CEP43: variants seen among roughly 807,000 people sequenced by gnomAD.
CEP43 encodes the protein centrosomal protein 43.
CEP43 carries 36 observed loss-of-function variants against 52.6 expected under a neutral mutation model. The ratio of observed to expected loss-of-function variants is 0.68; its 90% CI spans 0.52 to 0.90. The LOEUF is 0.90. Among genes scored for constraint, CEP43 ranks in the 40% least tolerant of loss-of-function variants. The pLI is 0.00. For missense variants in CEP43, 506 were observed against 472.8 expected, an observed-to-expected ratio of 1.07 and a Z score of -0.65; for synonymous variants, 192 against 172.4, an observed-to-expected ratio of 1.11 and a Z score of -0.89.
At chr6:167,000,271 C>T (rs910307689) in intron 2 of CEP43, among the ~76,000 whole-genome samples, 158 bp downstream of exon 2, 1 of 152,110 alleles carries the variant, frequency 6.6e-6, no homozygotes, top group East Asian at 1.9e-4. Flanking sequence ...CAAAATTATT[C>T]TTTTTTCGTG....
At chr6:167,034,706 A>G (rs1279637175) in intron 12 of CEP43, among the ~76,000 whole-genome samples, 1 of 152,338 alleles carries the variant, frequency 6.6e-6, no homozygotes, top group East Asian at 1.9e-4. Context: ...CAACCACACA[A>G]TCTAAGTCAG....
chr6:167,028,941 G>A lies in CEP43; in HGVS notation c.988+2326G>A, dbSNP rs1010980383. ...AATATTAATTAAAGGTGCCCAAAAGGAGTGTTTATAGATAGGTACTTTGCA... is the reference window on the plus strand; with the variant it reads ...AATATTAATTAAAGGTGCCCAAAAGAAGTGTTTATAGATAGGTACTTTGCA... On this transcript the variant is annotated intron_variant, in intron 10 of 12. Coordinates refer to ENST00000366847, the MANE Select transcript of CEP43 (RefSeq NM_007045.4). 2.6e-5 allele frequency among the ~76,000 whole-genome samples: 4 copies of A among 152,194 alleles called. No individual in the cohort carries two copies. The South Asian group carries it at 8.3e-4, about 31-fold the overall frequency.
chr6:167,017,797 T>G (rs1158558209), intron 7 of CEP43, among the ~76,000 whole-genome samples: 1 of 152,194 alleles, frequency 6.6e-6, no homozygotes. Flanking sequence ...CCCATAGAGC[T>G]TATTATTAGT....
chr6:167,025,540 C>T (rs1469421183), intron 9 of CEP43, among the ~76,000 whole-genome samples: 2 of 152,218 alleles, frequency 1.3e-5, no homozygotes, highest in East Asian at 1.9e-4. Flanking sequence ...TTTCAGAGCA[C>T]GTGTACCTCT....
At chr6:167,004,131 A>G (rs1324360991) in intron 4 of CEP43, 133 bp from the exon 5 acceptor site, 12 of 990,102 alleles carry the variant, frequency 1.2e-5, no homozygotes, top group Non-Finnish European at 1.6e-5. Context: ...TTTTTAAAAT[A>G]GACATTTCAT....
intron 7 of CEP43, among the ~76,000 whole-genome samples, chr6:167,021,767 G>A (rs1429709951): frequency 6.6e-6 from 1 of 151,882 alleles, no homozygotes; most frequent in Non-Finnish European, 1.5e-5. Context: ...TGAGGTATAG[G>A]TTAGGAAGTT....
intron 4 of CEP43, 36 bp downstream of exon 4, chr6:167,003,847 C>T (rs780822467): frequency 2.6e-5 from 33 of 1,269,066 alleles, no homozygotes; most frequent in Admixed American, 2.1e-4. Flanking sequence ...TCTTTTGAAA[C>T]CTTTGATACA....
chr6:167,026,659 T>C, intron 10 of CEP43, 44 bp downstream of exon 10: 1 of 1,222,844 alleles, frequency 8.2e-7, no homozygotes, highest in African/African-American at 1.5e-5. Context: ...TTAAAGTGAT[T>C]ATTTTTAGGG....
At position 167,044,427 on chromosome 6, in the gene CEP43, T is replaced by C. The variant is rs1435498839; in HGVS notation, c.*4449T>C. ...TAGCAAGAAGACCAAGATGACAAGA[T>C]GCGCCAGGAGACTTGGCCAGAGGAC... On this transcript the variant is annotated 3_prime_UTR_variant, in exon 13 of 13. Coordinates refer to ENST00000366847, the MANE Select transcript of CEP43 (RefSeq NM_007045.4). 4.1e-6 allele frequency: 4 copies of C among 985,238 alleles called. No homozygotes were observed. The highest frequency in any genetic ancestry group is 4.8e-6 in the Non-Finnish European group (4 of 829,922). The allele number at this position is 985,238 out of a possible 1,614,324, so 61.0% of individuals were successfully genotyped here.
intron 10 of CEP43, among the ~76,000 whole-genome samples, chr6:167,032,219 T>C (rs145610290): frequency 1.4e-3 from 213 of 152,344 alleles, no homozygotes; most frequent in African/African-American, 4.9e-3. Flanking sequence ...TTTTTAACTT[T>C]TATAACAAAA....
chr6:167,034,200 G>T (rs113129061), intron 12 of CEP43, among the ~76,000 whole-genome samples: 52 of 152,288 alleles, frequency 3.4e-4, no homozygotes, highest in African/African-American at 1.2e-3. Flanking sequence ...AAATGCCTGA[G>T]GATTATTCCT....
intron 12 of CEP43, chr6:167,036,666 T>A (rs1780591369): frequency 1.0e-6 from 1 of 985,084 alleles, no homozygotes; most frequent in African/African-American, 1.7e-5. Context: ...TGTTTCCCTT[T>A]CAAGACTCAA....
chr6:167,002,209 C>T (rs532471394), intron 2 of CEP43, among the ~76,000 whole-genome samples: 1 of 152,242 alleles, frequency 6.6e-6, no homozygotes, highest in East Asian at 1.9e-4. Flanking sequence ...TCTCCCCCAC[C>T]CCAAACCTTT....
At chr6:167,026,424 G>T in intron 9 of CEP43, 123 bp from the exon 10 acceptor site, 6 of 680,472 alleles carry the variant, frequency 8.8e-6, no homozygotes, top group African/African-American at 3.6e-5. Context: ...TTTTTCCTTA[G>T]TTTTAGGTTA....
At chr6:167,036,547 T>C in intron 12 of CEP43, 2 of 985,450 alleles carry the variant, frequency 2.0e-6, no homozygotes, top group South Asian at 4.7e-5. Context: ...TTTCTGTTAA[T>C]GCATAGCAAT....
intron 12 of CEP43, among the ~76,000 whole-genome samples, chr6:167,038,468 G>A (rs942995031): frequency 5.9e-5 from 9 of 152,188 alleles, no homozygotes; most frequent in African/African-American, 1.7e-4. Context: ...AATTTAACGT[G>A]GGTAAATTAT....
At chr6:167,023,765 G>C (rs1780291901) in intron 8 of CEP43, among the ~76,000 whole-genome samples, 1 of 152,184 alleles carries the variant, frequency 6.6e-6, no homozygotes, top group Non-Finnish European at 1.5e-5. Context: ...CGGTAGGGAG[G>C]AGTAGCTGTA....
intron 12 of CEP43, chr6:167,036,683 C>T (rs162293): frequency 0.29 from 281,711 of 982,724 alleles, 42,019 homozygotes; most frequent in Admixed American, 0.44. Context: ...TCAAAATGTA[C>T]GTTTTAGATA....
At chr6:167,022,173 T>G (rs1380484218) in intron 7 of CEP43, among the ~76,000 whole-genome samples, 3 of 151,628 alleles carry the variant, frequency 2.0e-5, no homozygotes, top group Non-Finnish European at 4.4e-5. Context: ...TTTTCCCCCT[T>G]TGAAAGTTTG....
Sources: gnomAD v4.1 joint callset for allele counts (sites outside exome capture counted in the v4.1 genomes callset) on GRCh38, gnomAD v4.1.1 for gene constraint, MANE v1.5 for transcripts, NCBI Gene and HGNC (gene_info 2026-07-23, HGNC 2026-07-21) for gene names.